MAPK8IP1: variants seen among roughly 807,000 people sequenced by gnomAD.
MAPK8IP1 encodes C-Jun-amino-terminal kinase-interacting protein 1.
In MAPK8IP1, 17 loss-of-function variants were observed where a neutral mutation model predicts 72.6. The observed-to-expected ratio is 0.23, with a 90% CI of 0.16 to 0.35. The LOEUF is 0.35. MAPK8IP1 is among the 10% of genes least tolerant of loss of function. The probability of loss-of-function intolerance (pLI) is 1.00; values close to 1 mark genes in which losing one functional copy is unlikely to be tolerated. For missense variants in MAPK8IP1, 789 were observed against 1,009.7 expected, an observed-to-expected ratio of 0.78 and a Z score of 2.96; for synonymous variants, 401 against 443.4, an observed-to-expected ratio of 0.90 and a Z score of 1.20.
chr11:45,886,649 C>A (rs754867787), intron 1 of MAPK8IP1, among the ~76,000 whole-genome samples: 1 of 152,190 alleles, frequency 6.6e-6, no homozygotes, highest in Non-Finnish European at 1.5e-5. Context: ...CCCCCACCCC[C>A]CAATCTGGTG....
chr11:45,903,452 G>C lies in MAPK8IP1; in HGVS notation c.1493+12G>C, dbSNP rs1246205511. Reference sequence around the variant, plus strand: ...CGGGCCATATTCAGGTGAGAGCCATGGGCTGGCTGGGCCTAGCCAGGCAGC... The same window carrying C: ...CGGGCCATATTCAGGTGAGAGCCATCGGCTGGCTGGGCCTAGCCAGGCAGC... On this transcript the variant is annotated intron_variant, in intron 6 of 11. Transcript: ENST00000241014. The surrounding 1 kb of genome is among the most constrained non-coding windows in gnomAD (Gnocchi z 6.4). 6.2e-7 allele frequency: 1 copy of C among 1,606,876 alleles called. No homozygotes were observed.
chr11:45,888,562 G>T (rs577287836), intron 1 of MAPK8IP1, among the ~76,000 whole-genome samples: 1 of 152,236 alleles, frequency 6.6e-6, no homozygotes, highest in Admixed American at 6.5e-5. Context: ...GACCTGAAGG[G>T]GTGGGAGCAT....
intron 2 of MAPK8IP1, among the ~76,000 whole-genome samples, chr11:45,899,912 G>C (rs1317060240): frequency 6.6e-6 from 1 of 152,192 alleles, no homozygotes; most frequent in African/African-American, 2.4e-5. Flanking sequence ...GGTGGGGACT[G>C]TGGGGAGGTG....
At chr11:45,898,007 A>G (rs2086621140) in intron 1 of MAPK8IP1, 78 bp from the exon 2 acceptor site, 10 of 866,426 alleles carry the variant, frequency 1.2e-5, no homozygotes, top group Admixed American at 3.8e-5. Context: ...AAGAGGCTGC[A>G]CCCTGGAAGA....
Position 45,902,547 on chromosome 11 carries a change from C to CCA in MAPK8IP1, c.782_783dup (p.Ser262ThrfsTer15). 6.2e-7 allele frequency: 1 copy of CCA among 1,612,278 alleles called. No homozygotes were observed. The highest frequency in any genetic ancestry group is 8.5e-7 in the Non-Finnish European group (1 of 1,179,710). ...CTGCTGCCCCGCCTGGGGGTCGGGG[C>CCA]CACTCGCATCGAGACCGAATCCACT... On this transcript the variant is annotated frameshift_variant, in exon 5 of 12. Transcript: ENST00000241014. LOFTEE classifies it high-confidence loss of function. This position sits in a 1 kb window ranked among gnomAD's most constrained non-coding sequence, Gnocchi z 9.3.
In MAPK8IP1 at chr11:45,902,257, C is replaced by A. The variant is rs980477916; in HGVS notation, c.605-115C>A. The A allele has an allele frequency of 4.3e-5, 45 of 1,047,162 alleles. No homozygotes were observed. The Middle Eastern group carries it at 5.9e-4, about 14-fold the overall frequency. 64.9% of individuals were successfully genotyped at this position (1,047,162 alleles called of 1,614,324 possible). Reference sequence around the variant, plus strand: ...ACTGGCCCCAGAGCCTGCGAAGGGCCTGTTGCCCAGGGAGGCTTTGTCTTG... The same window carrying A: ...ACTGGCCCCAGAGCCTGCGAAGGGCATGTTGCCCAGGGAGGCTTTGTCTTG... On this transcript the variant is annotated intron_variant, in intron 4 of 11. Coordinates refer to ENST00000241014, the MANE Select transcript of MAPK8IP1 (RefSeq NM_005456.4). The surrounding 1 kb of genome is among the most constrained non-coding windows in gnomAD (Gnocchi z 9.3).
At position 45,903,213 on chromosome 11, in the gene MAPK8IP1, G is replaced by C. The variant is rs758183971; in HGVS notation, c.1417+29G>C. ...AGTCAGCAAGGGGAAGCAGTGGGGT[G>C]GGGGGGTCCCTAGCGGGGGCAGAGC... On this transcript the variant is annotated intron_variant, in intron 5 of 11. Transcript: ENST00000241014. This position sits in a 1 kb window ranked among gnomAD's most constrained non-coding sequence, Gnocchi z 6.4. The C allele has an allele frequency of 1.8e-5, 28 of 1,583,906 alleles. No individual in the cohort carries two copies. The highest frequency in any genetic ancestry group is 5.7e-5 in the African/African-American group (4 of 70,004).
chr11:45,905,658 C>T lies in MAPK8IP1; in HGVS notation c.2073C>T (p.Phe691=). 1 of 1,613,812 alleles carries T rather than the reference C, an allele frequency of 6.2e-7. No individual in the cohort carries two copies. The highest frequency in any genetic ancestry group is 8.5e-7 in the Non-Finnish European group (1 of 1,179,766). Residue 691 remains phenylalanine (F), a synonymous_variant, in exon 12 of 12, where the codon TTC becomes TTT. Transcript: ENST00000241014. The part of the protein sequence containing the change: ...KALAESVGRA[F]QQFYKQFVEY... ...GTCCCCTGGCTTCTAGGAGAGCATT[C>T]CAGCAGTTCTACAAGCAGTTTGTGG...
rs143323149 is a variant in MAPK8IP1 at position 45,903,901 on chromosome 11, C to T, written c.1494-88C>T. 7.3e-5 allele frequency: 90 copies of T among 1,231,068 alleles called. No homozygotes were observed. In the African/African-American group the frequency reaches 8.0e-4, roughly 11 times the overall value. The allele number at this position is 1,231,068 out of a possible 1,614,324, so 76.3% of individuals were successfully genotyped here. On this transcript the variant is annotated intron_variant, in intron 6 of 11. Transcript: ENST00000241014. The surrounding 1 kb of genome is among the most constrained non-coding windows in gnomAD (Gnocchi z 6.4). ...CTTTTGCAAATGTTTACTGAAATAA[C>T]GATGCTGCTGTGGCTCCCAGACCCC...
Position 45,900,088 on chromosome 11 carries a change from TCGGCCCCGCCC to T in MAPK8IP1, c.208-37_208-27del, listed in dbSNP as rs2086638254. 1.2e-5 allele frequency: 14 copies of T among 1,126,542 alleles called. No individual in the cohort carries two copies. Among genetic ancestry groups the T allele is most frequent in the Admixed American group, 9.3e-5 (2 of 21,562 alleles). The allele number at this position is 1,126,542 out of a possible 1,614,324, so 69.8% of individuals were successfully genotyped here. A position where few individuals can be genotyped will look rare whatever the true frequency, so the allele number is the denominator to read the frequency against. ...CGGGCGGGGGGCGGTGCAAGCGGCC[TCGGCCCCGCCC>T]CGGCCCCGCCCCCTGACGCCCCTCC... On this transcript the variant is annotated intron_variant, in intron 2 of 11. Transcript: ENST00000241014. The surrounding 1 kb of genome is among the most constrained non-coding windows in gnomAD (Gnocchi z 6.5).
Position 45,902,418 on chromosome 11 carries a change from G to A in MAPK8IP1, c.651G>A (p.Leu217=), listed in dbSNP as rs756729012. Residue 217 remains leucine (L), a synonymous_variant, in exon 5 of 12, where the codon CTG becomes CTA. Coordinates refer to ENST00000241014, the MANE Select transcript of MAPK8IP1 (RefSeq NM_005456.4). The surrounding 1 kb of genome is among the most constrained non-coding windows in gnomAD (Gnocchi z 9.3). ...AACACATCTGCCTGAGCGATGAGCT[G>A]CCCCCCCAGAGCGGCCCCGCCCCCA... ...PHEHICLSDE[L]PPQSGPAPTT... 1.6e-5 allele frequency: 25 copies of A among 1,581,310 alleles called. No homozygotes were observed. In the African/African-American group the frequency reaches 3.0e-4, roughly 19 times the overall value.
In MAPK8IP1 at chr11:45,904,279, A is replaced by C. The variant is rs2086684461; in HGVS notation, c.1666+118A>C. 7.7e-7 allele frequency: 1 copy of C among 1,293,816 alleles called. No individual in the cohort carries two copies. Among genetic ancestry groups the C allele is most frequent in the Non-Finnish European group, 1.1e-6 (1 of 913,454 alleles). The allele number at this position is 1,293,816 out of a possible 1,614,324, so 80.1% of individuals were successfully genotyped here. A position where few individuals can be genotyped will look rare whatever the true frequency, so the allele number is the denominator to read the frequency against. ...CCAGGTGGGGGGCTGAGTGGAAGTG[A>C]TTTTAGGTCCTTTTCACGATCAAGC... is the stretch of plus-strand genomic sequence containing the variant. On this transcript the variant is annotated intron_variant, in intron 7 of 11. Transcript: ENST00000241014. The surrounding 1 kb of genome is among the most constrained non-coding windows in gnomAD (Gnocchi z 6.4).
In MAPK8IP1 at chr11:45,900,848, A is replaced by AATG. The variant is rs2086647613; in HGVS notation, c.522+397_522+398insTGA. On this transcript the variant is annotated intron_variant, in intron 3 of 11. Transcript: ENST00000241014. The surrounding 1 kb of genome is among the most constrained non-coding windows in gnomAD (Gnocchi z 6.5). ...TGGAGCAGGAGCAGGGCCTGGAGAAAAGGGCATCTGAAATGGTCATCGTGG... is the reference window on the plus strand; with the variant it reads ...TGGAGCAGGAGCAGGGCCTGGAGAAAATGAGGGCATCTGAAATGGTCATCGTGG... Among the ~76,000 whole-genome samples the AATG allele has an allele frequency of 1.3e-5, 2 of 152,060 alleles. No homozygotes were observed. The highest frequency in any genetic ancestry group is 6.5e-5 in the Admixed American group (1 of 15,282).
chr11:45,892,073 TTGGA>T (rs1263091245), intron 1 of MAPK8IP1, among the ~76,000 whole-genome samples: 2 of 152,180 alleles, frequency 1.3e-5, no homozygotes, highest in Non-Finnish European at 2.9e-5. Flanking sequence ...ATTTCTTTGG[TTGGA>T]TTCAGTTTTC....
At chr11:45,892,944 G>GGTATCCCCATT in intron 1 of MAPK8IP1, among the ~76,000 whole-genome samples, 1 of 152,296 alleles carries the variant, frequency 6.6e-6, no homozygotes, top group Non-Finnish European at 1.5e-5. Context: ...GAACTCACTG[G>GGTATCCCCATT]GAGCCAGCTT....
chr11:45,904,558 G>A lies in MAPK8IP1; in HGVS notation c.1770G>A (p.Met590Ile). 1 of 1,614,096 alleles carries A rather than the reference G, an allele frequency of 6.2e-7. No homozygotes were observed. The highest frequency in any genetic ancestry group is 8.5e-7 in the Non-Finnish European group (1 of 1,179,932). ...GCAATGACGTCCTCTGTGCTGCTAT[G>A]CAAAAGGTACCTGAGCCCTCTCCCT... Reference protein sequence around the residue: ...HKGNDVLCAAMQKIATTRRLT... With the variant: ...HKGNDVLCAAIQKIATTRRLT... Residue 590 changes from methionine (M) to isoleucine (I), a missense_variant, in exon 8 of 12, where the codon ATG becomes ATA. By Grantham distance (10) the Met-to-Ile change is conservative (BLOSUM62 1). This residue lies in a region of MAPK8IP1 where 188 missense variants were observed against 293.3 expected (regional missense o/e 0.64). Transcript: ENST00000241014. The surrounding 1 kb of genome is among the most constrained non-coding windows in gnomAD (Gnocchi z 6.4).
intron 1 of MAPK8IP1, chr11:45,896,443 G>A (rs2086606086): frequency 1.2e-6 from 1 of 830,928 alleles, no homozygotes; most frequent in Non-Finnish European, 1.5e-6. Flanking sequence ...GCTTTTGGGG[G>A]GAAACATCCT....
chr11:45,899,735 TC>T (rs1346920724), intron 2 of MAPK8IP1, among the ~76,000 whole-genome samples: 1 of 152,116 alleles, frequency 6.6e-6, no homozygotes, highest in Non-Finnish European at 1.5e-5. Flanking sequence ...CAAGACCCCT[TC>T]AAATACTATT....
In MAPK8IP1 at chr11:45,902,168, GCCCACCCACATC is replaced by G. The variant is rs2086658829; in HGVS notation, c.604+110_604+121del. On this transcript the variant is annotated intron_variant, in intron 4 of 11. Coordinates refer to ENST00000241014, the MANE Select transcript of MAPK8IP1 (RefSeq NM_005456.4). This position sits in a 1 kb window ranked among gnomAD's most constrained non-coding sequence, Gnocchi z 9.3. ...CCAAAGGGCTGAGTAGAGGTGAACT[GCCCACCCACATC>G]CCTGCACGAGCCCATCCAGGGGCTG... The G allele has an allele frequency of 2.7e-6, 3 of 1,111,288 alleles. No homozygotes were observed. In the Admixed American group the frequency reaches 5.1e-5, roughly 19 times the overall value. The allele number at this position is 1,111,288 out of a possible 1,614,324, so 68.8% of individuals were successfully genotyped here.
Sources: allele counts gnomAD v4.1 joint callset (sites outside exome capture counted in the v4.1 genomes callset), GRCh38; gene constraint gnomAD v4.1.1; regional missense constraint gnomAD v4.1.1; non-coding constraint Gnocchi (gnomAD v3.1); transcripts MANE v1.5; gene names NCBI Gene and HGNC (gene_info 2026-07-23, HGNC 2026-07-21).